The following USP48 variants were observed in gnomAD, a reference collection of about 807,000 sequenced individuals.
The protein encoded by USP48 is ubiquitin specific peptidase 48, also known as ubiquitin carboxyl-terminal hydrolase 48.
A neutral mutation model predicts 150.7 loss-of-function variants in USP48; 43 were observed. The observed-to-expected ratio is 0.29, with a 90% CI of 0.22 to 0.37. USP48 has a LOEUF of 0.37. Among genes scored for constraint, USP48 ranks in the 10% least tolerant of loss-of-function variants. The probability of loss-of-function intolerance (pLI) is 1.00; values close to 1 mark genes in which losing one functional copy is unlikely to be tolerated. For missense variants in USP48, 813 were observed against 1,249.6 expected, an observed-to-expected ratio of 0.65 and a Z score of 5.27; for synonymous variants, 396 against 425.9, an observed-to-expected ratio of 0.93 and a Z score of 0.86.
At position 21,782,934 on chromosome 1, in the gene USP48, C is replaced by A; in HGVS notation, c.24G>T (p.Glu8Asp). ...TCTCCGCCCAGCGCCAGGCCGCCTT[C>A]TCCAGCTGCAGCCGCGGGGCCATGG... MAPRLQL[E>D]KAAWRWAETV... Residue 8 changes from glutamate to aspartate, a missense_variant, in exon 1 of 27, where the codon GAG (glutamate) becomes GAT (aspartate). Physicochemically the swap from Glu to Asp is conservative, Grantham distance 45. Coordinates refer to ENST00000308271, the MANE Select transcript of USP48 (RefSeq NM_032236.8). 6.5e-7 allele frequency: 1 copy of A among 1,548,694 alleles called. No homozygotes were observed.
intron 21 of USP48, 29 bp from the exon 22 acceptor site, chr1:21,701,631 T>C (rs2152515011): frequency 2.5e-6 from 4 of 1,603,094 alleles, no homozygotes; most frequent in East Asian, 2.2e-5. Flanking sequence ...CAAAGAGAAG[T>C]AGGTCAGACC....
chr1:21,733,360 T>C (rs1439651351), intron 9 of USP48, among the ~76,000 whole-genome samples: 1 of 151,986 alleles, frequency 6.6e-6, no homozygotes, highest in Non-Finnish European at 1.5e-5. Flanking sequence ...GAAGTTGTAG[T>C]GAGCCGAGAT....
At chr1:21,731,385 T>TCC (rs957151170) in intron 9 of USP48, among the ~76,000 whole-genome samples, 5 of 151,798 alleles carry the variant, frequency 3.3e-5, no homozygotes, top group African/African-American at 1.2e-4. Context: ...TGCCTTAGCC[T>TCC]CCCCATTAGC....
Position 21,706,128 on chromosome 1 carries a change from A to G in USP48, c.2271T>C (p.Val757=). The change falls in exon 18 of 27, where the codon GTT becomes GTC. Residue 757 remains valine (V), a splice_region_variant and synonymous_variant. Transcript: ENST00000308271. ...AATAAAACATATTTTGTTTCTACCT[A>G]ACAAATTTCCGCCACTCTTCTACAA... ...QFFVEEWRKF[V]RKPTRCSPVS... is the part of the protein sequence containing the mutation. 6.2e-7 allele frequency: 1 copy of G among 1,613,622 alleles called. No individual in the cohort carries two copies. The highest frequency in any genetic ancestry group is 1.3e-5 in the African/African-American group (1 of 75,030).
intron 15 of USP48, 24 bp from the exon 16 acceptor site, chr1:21,706,892 GA>G (rs112985732): frequency 0.1 from 128,618 of 1,254,164 alleles, 2,120 homozygotes; most frequent in Non-Finnish European, 0.11. Context: ...AATATATTTG[GA>G]AAAAAAAAAA....
chr1:21,705,694 GAAAA>G, intron 19 of USP48, 29 bp downstream of exon 19: 1 of 1,449,760 alleles, frequency 6.9e-7, no homozygotes, highest in Non-Finnish European at 9.4e-7. Context: ...GAGAAAAGAA[GAAAA>G]AAAAATCACA....
chr1:21,682,862 G>A (rs1373524685), intron 25 of USP48, among the ~76,000 whole-genome samples: 1 of 149,296 alleles, frequency 6.7e-6, no homozygotes, highest in African/African-American at 2.5e-5. Flanking sequence ...GCAACTGTGA[G>A]ACTCCATCTC....
At chr1:21,771,230 C>A (rs968843576) in intron 1 of USP48, among the ~76,000 whole-genome samples, 13 of 151,468 alleles carry the variant, frequency 8.6e-5, no homozygotes, top group African/African-American at 3.2e-4. Flanking sequence ...AAAAAGTAGC[C>A]GGGAGTGGTG....
At chr1:21,752,739 T>C in intron 4 of USP48, 88 bp from the exon 5 acceptor site, 2 of 1,396,084 alleles carry the variant, frequency 1.4e-6, no homozygotes, top group African/African-American at 2.9e-5. Flanking sequence ...TTCCAGAAAC[T>C]ACCTATACTT....
chr1:21,756,652 T>C lies in USP48; in HGVS notation c.306A>G (p.Thr102=). The change falls in exon 3 of 27, where the codon ACA becomes ACG. Residue 102 remains threonine, a synonymous_variant. Coordinates refer to ENST00000308271, the MANE Select transcript of USP48 (RefSeq NM_032236.8). ...AGTTGAGAAACCACACTTGAAGAAA[T>C]GTGTTGACATAACAAGTGGCTCCAA... ...TNLGATCYVN[T]FLQVWFLNLE... 6.2e-7 allele frequency: 1 copy of C among 1,613,104 alleles called. No individual in the cohort carries two copies. The highest frequency in any genetic ancestry group is 8.5e-7 in the Non-Finnish European group (1 of 1,179,712).
intron 7 of USP48, among the ~76,000 whole-genome samples, chr1:21,747,853 G>A (rs1411027374): frequency 2.0e-5 from 3 of 152,190 alleles, no homozygotes; most frequent in East Asian, 1.9e-4. Context: ...GATTACAGGC[G>A]TGAGCCACCG....
chr1:21,718,191 A>G (rs1331438881), intron 14 of USP48, among the ~76,000 whole-genome samples: 6 of 152,270 alleles, frequency 3.9e-5, no homozygotes, highest in Non-Finnish European at 8.8e-5. Flanking sequence ...CTGTGTGTAC[A>G]TAGTCATGTA....
At chr1:21,735,372 G>A (rs779413210) in intron 9 of USP48, among the ~76,000 whole-genome samples, 3 of 71,454 alleles carry the variant, frequency 4.2e-5, no homozygotes, top group African/African-American at 1.2e-4. Context: ...AGGCCAAGGC[G>A]GGAGGACTGT....
At chr1:21,781,555 G>A (rs1024468410) in intron 1 of USP48, among the ~76,000 whole-genome samples, 3 of 152,156 alleles carry the variant, frequency 2.0e-5, no homozygotes, top group Non-Finnish European at 4.4e-5. Context: ...CCAACATGGC[G>A]AAAACCCGTC....
intron 1 of USP48, among the ~76,000 whole-genome samples, chr1:21,780,560 A>AT (rs905647054): frequency 2.6e-5 from 4 of 151,964 alleles, no homozygotes; most frequent in South Asian, 2.1e-4. Flanking sequence ...TTTCCCAGGT[A>AT]TTTTTTTAAT....
At chr1:21,715,324 G>T in intron 15 of USP48, 65 bp downstream of exon 15, 1 of 1,289,604 alleles carries the variant, frequency 7.8e-7, no homozygotes, top group South Asian at 1.3e-5. Flanking sequence ...ATGAAAGCCA[G>T]GCAGTAGAAG....
intron 1 of USP48, among the ~76,000 whole-genome samples, chr1:21,760,181 G>A (rs1273732228): frequency 1.3e-5 from 2 of 152,138 alleles, no homozygotes; most frequent in Non-Finnish European, 2.9e-5. Flanking sequence ...TCAGTGTCAT[G>A]AAATACAAAG....
Position 21,706,726 on chromosome 1 carries a change from G to T in USP48, c.2088+18C>A, listed in dbSNP as rs1203500222. On this transcript the variant is annotated intron_variant, in intron 16 of 26. Coordinates refer to ENST00000308271, the MANE Select transcript of USP48 (RefSeq NM_032236.8). ...GAGGTGGCATGCCATTTCCCCAGAT[G>T]TCAGTAGCGTTCAGTACCTTGCACT... The T allele has an allele frequency of 3.1e-6, 5 of 1,611,600 alleles. No individual in the cohort carries two copies. Among genetic ancestry groups the T allele is most frequent in the African/African-American group, 1.3e-5 (1 of 74,700 alleles).
intron 8 of USP48, among the ~76,000 whole-genome samples, chr1:21,736,909 C>CTA (rs1318838187): frequency 6.6e-6 from 1 of 152,178 alleles, no homozygotes; most frequent in African/African-American, 2.4e-5. Context: ...ATAAGCTACT[C>CTA]TACTACACAC....
Sources: gnomAD v4.1 joint callset for allele counts (sites outside exome capture counted in the v4.1 genomes callset) on GRCh38, gnomAD v4.1.1 for gene constraint, MANE v1.5 for transcripts, NCBI Gene and HGNC (gene_info 2026-07-23, HGNC 2026-07-21) for gene names.